The following BAZ1B variants were observed in gnomAD, a reference collection of about 807,000 sequenced individuals.
The protein encoded by BAZ1B is bromodomain adjacent to zinc finger domain 1B, also known as tyrosine-protein kinase BAZ1B.
BAZ1B carries 22 observed loss-of-function variants against 153.8 expected under a neutral mutation model. The observed-to-expected ratio is 0.14, with a 90% CI of 0.10 to 0.20. The LOEUF (loss-of-function observed/expected upper bound fraction) is 0.20. BAZ1B is among the 10% of genes least tolerant of loss of function. The probability of loss-of-function intolerance (pLI) is 1.00; values close to 1 mark genes in which losing one functional copy is unlikely to be tolerated. For synonymous variants in BAZ1B, 676 were observed against 633.4 expected (o/e 1.07, Z -1.01); for missense variants, 1,325 against 1,799.3 (o/e 0.74, Z 4.77).
rs1789994841 is a variant in BAZ1B at position 73,498,252 on chromosome 7, A to AC, written c.571+244dup. ...TGGGATTACAGGCATGAGCCACGGC[A>AC]CCCAGCCCTGCATAGAGCTTTCTAA... On this transcript the variant is annotated intron_variant, in intron 4 of 19. Coordinates refer to ENST00000339594, the MANE Select transcript of BAZ1B (RefSeq NM_032408.4). 2.0e-5 allele frequency among the ~76,000 whole-genome samples: 3 copies of AC among 152,030 alleles called. No individual in the cohort carries two copies. The South Asian group carries it at 6.2e-4, about 32-fold the overall frequency.
chr7:73,502,876 CA>C (rs1554577321), intron 3 of BAZ1B, among the ~76,000 whole-genome samples: 2 of 152,194 alleles, frequency 1.3e-5, no homozygotes, highest in African/African-American at 4.8e-5. Context: ...TGATAACAAA[CA>C]TTCTGAGTTA....
chr7:73,466,161 G>C (rs1209417602), intron 10 of BAZ1B, 135 bp downstream of exon 10: 9 of 620,356 alleles, frequency 1.5e-5, no homozygotes, highest in Admixed American at 6.5e-5. Context: ...AAGAAGTTTT[G>C]ATATCCAAAA....
At chr7:73,451,125 T>A (rs574301350) in intron 13 of BAZ1B, 131 bp from the exon 14 acceptor site, 3 of 1,200,848 alleles carry the variant, frequency 2.5e-6, no homozygotes, top group South Asian at 3.8e-5. Flanking sequence ...TCTAAACCAT[T>A]TATTCTTATA....
At chr7:73,463,963 C>G (rs1788484389) in intron 11 of BAZ1B, 1 of 242,924 alleles carries the variant, frequency 4.1e-6, no homozygotes, top group Non-Finnish European at 6.6e-6. Flanking sequence ...GCCTCTGCCT[C>G]CCAAAATGCT....
At chr7:73,516,990 T>C (rs1790833366) in intron 1 of BAZ1B, among the ~76,000 whole-genome samples, 1 of 150,586 alleles carries the variant, frequency 6.6e-6, no homozygotes, top group South Asian at 2.1e-4. Flanking sequence ...GAGACCAGCC[T>C]GGCCAACGTG....
chr7:73,513,309 A>C (rs1219684322), intron 1 of BAZ1B, among the ~76,000 whole-genome samples: 1 of 152,216 alleles, frequency 6.6e-6, no homozygotes, highest in Non-Finnish European at 1.5e-5. Context: ...GCAAAAACGC[A>C]AACAAGAACA....
chr7:73,447,410 C>T, intron 15 of BAZ1B, 31 bp from the exon 16 acceptor site: 1 of 1,589,346 alleles, frequency 6.3e-7, no homozygotes, highest in Non-Finnish European at 8.6e-7. Flanking sequence ...GTAGGGAACA[C>T]AGTTTTAGCC....
rs1464537490 is a variant in BAZ1B, at chr7:73,450,062, T to A, written c.3581-373A>T. Reference sequence around the variant, plus strand: ...GTGTTCTCTCTCTCTCTTTTTTTTTTTTGGAGACAGAGTCTTGCTCTGTCA... The same window carrying A: ...GTGTTCTCTCTCTCTCTTTTTTTTTATTGGAGACAGAGTCTTGCTCTGTCA... On this transcript the variant is annotated intron_variant, in intron 14 of 19. Coordinates refer to ENST00000339594, the MANE Select transcript of BAZ1B (RefSeq NM_032408.4). The surrounding 1 kb of genome is among the most constrained non-coding windows in gnomAD (Gnocchi z 4.1). Among the ~76,000 whole-genome samples the A allele has an allele frequency of 6.6e-6, 1 of 152,032 alleles. No individual in the cohort carries two copies. Among genetic ancestry groups the A allele is most frequent in the Non-Finnish European group, 1.5e-5 (1 of 67,986 alleles).
chr7:73,489,776 G>C (rs1353790416), intron 5 of BAZ1B, among the ~76,000 whole-genome samples: 1 of 152,192 alleles, frequency 6.6e-6, no homozygotes, highest in African/African-American at 2.4e-5. Flanking sequence ...CTGGGCAACA[G>C]AGTGAGACCC....
In BAZ1B at chr7:73,516,845, A is replaced by G. The variant is rs575217891; in HGVS notation, c.107+4982T>C. Among the ~76,000 whole-genome samples the G allele has an allele frequency of 1.5e-4, 23 of 149,890 alleles. No homozygotes were observed. The East Asian group carries it at 4.2e-3, about 27-fold the overall frequency. On this transcript the variant is annotated intron_variant, in intron 1 of 19. Transcript: ENST00000339594. ...ACAACCCCTAACAACGGCTATTTTA[A>G]GTTTGTGTAACTGTTCTGGTAACTG...
At chr7:73,511,436 G>A (rs537990520) in intron 1 of BAZ1B, among the ~76,000 whole-genome samples, 64 of 151,356 alleles carry the variant, frequency 4.2e-4, no homozygotes, top group African/African-American at 1.5e-3. Context: ...GGCCACGGCA[G>A]GACAATCACT....
chr7:73,451,124 TTTA>T lies in BAZ1B; in HGVS notation c.3433-133_3433-131del, dbSNP rs1788014556. The T allele has an allele frequency of 2.5e-6, 3 of 1,192,958 alleles. No homozygotes were observed. In the East Asian group the frequency reaches 7.9e-5, roughly 31 times the overall value. The allele number at this position is 1,192,958 out of a possible 1,614,324, so 73.9% of individuals were successfully genotyped here. ...CCTAGAACTTCACTAATCTAAACCA[TTTA>T]TTCTTATAAAAGGCTCCAAAGGGGG... On this transcript the variant is annotated intron_variant, in intron 13 of 19. Coordinates refer to ENST00000339594, the MANE Select transcript of BAZ1B (RefSeq NM_032408.4).
At chr7:73,485,625 GAAAAA>G (rs71517389) in intron 6 of BAZ1B, among the ~76,000 whole-genome samples, 3 of 76,226 alleles carry the variant, frequency 3.9e-5, no homozygotes, top group Admixed American at 3.2e-4. Flanking sequence ...GCCTACCTCA[GAAAAA>G]AAAAAAAAAA....
At chr7:73,458,502 C>T (rs913599583) in intron 13 of BAZ1B, among the ~76,000 whole-genome samples, 25 of 151,664 alleles carry the variant, frequency 1.6e-4, no homozygotes, top group African/African-American at 5.6e-4. Context: ...ATGGTGAAAC[C>T]CCGTCTCTAC....
intron 1 of BAZ1B, among the ~76,000 whole-genome samples, chr7:73,514,929 C>T (rs921082429): frequency 6.6e-6 from 1 of 151,946 alleles, no homozygotes; most frequent in Non-Finnish European, 1.5e-5. Flanking sequence ...AAAAACTAGC[C>T]ACGCATGGTG....
intron 2 of BAZ1B, among the ~76,000 whole-genome samples, chr7:73,510,302 ACCTGTAGTC>A: frequency 1.3e-5 from 2 of 149,790 alleles, no homozygotes; most frequent in Admixed American, 1.3e-4. Context: ...GGTGGCGAGC[ACCTGTAGTC>A]CCAGCTACTT....
chr7:73,497,419 T>A (rs1301528943), intron 4 of BAZ1B, among the ~76,000 whole-genome samples: 2 of 152,236 alleles, frequency 1.3e-5, no homozygotes, highest in Admixed American at 1.3e-4. Flanking sequence ...TGAATCTTCA[T>A]ATTTTTCTTG....
intron 4 of BAZ1B, among the ~76,000 whole-genome samples, chr7:73,493,174 T>A (rs1253177168): frequency 6.6e-6 from 1 of 152,068 alleles, no homozygotes; most frequent in Non-Finnish European, 1.5e-5. Flanking sequence ...AAAAACACTA[T>A]GAGAGGCCGG....
intron 13 of BAZ1B, among the ~76,000 whole-genome samples, chr7:73,452,816 A>G (rs1357231960): frequency 9.9e-5 from 15 of 152,120 alleles, no homozygotes; most frequent in Admixed American, 9.8e-4. Flanking sequence ...AATTATAAAT[A>G]CTGTAAGTCA....
Sources: allele counts gnomAD v4.1 joint callset (sites outside exome capture counted in the v4.1 genomes callset), GRCh38; gene constraint gnomAD v4.1.1; non-coding constraint Gnocchi (gnomAD v3.1); transcripts MANE v1.5; gene names NCBI Gene and HGNC (gene_info 2026-07-23, HGNC 2026-07-21).